The following DNAAF2 variants were observed in gnomAD, a reference collection of about 807,000 sequenced individuals.
DNAAF2 encodes protein kintoun.
DNAAF2 carries 58 observed loss-of-function variants against 48.8 expected under a neutral mutation model. That is an observed-to-expected ratio of 1.19 (90% confidence interval 0.96 to 1.48). The LOEUF is 1.48. DNAAF2 is among the 40% of genes most tolerant of loss of function. The probability of loss-of-function intolerance (pLI) is 0.00; values close to 1 mark genes in which losing one functional copy is unlikely to be tolerated. For synonymous variants in DNAAF2, 567 were observed against 481.2 expected, an observed-to-expected ratio of 1.18 and a Z score of -2.33; for missense variants, 1,241 against 1,116.1, an observed-to-expected ratio of 1.11 and a Z score of -1.59.
At position 49,633,277 on chromosome 14, in the gene DNAAF2, G is replaced by A. The variant is rs1000254573; in HGVS notation, c.1863+10C>T. 3 of 1,611,752 alleles carry A rather than the reference G, an allele frequency of 1.9e-6. No individual in the cohort carries two copies. Among genetic ancestry groups the A allele is most frequent in the Non-Finnish European group, 2.5e-6 (3 of 1,178,330 alleles). ...ATTTCAAATATGAGGACTCTGGAAA[G>A]AACTGTTACCTCCAAAGAATCGTTG... On this transcript the variant is annotated intron_variant, in intron 1 of 2. Coordinates refer to ENST00000298292, the MANE Select transcript of DNAAF2 (RefSeq NM_018139.3).
chr14:49,626,836 G>C (rs181213824), intron 2 of DNAAF2, among the ~76,000 whole-genome samples: 6 of 99,576 alleles, frequency 6.0e-5, no homozygotes, highest in African/African-American at 2.0e-4. Context: ...GATTGAGTCT[G>C]GCTCTGTCGC....
chr14:49,625,372 AT>A lies in DNAAF2; in HGVS notation c.*169del. ...AAACTCCAGAGGCAAAAAAAAAAAA[AT>A]TATCTCCAATTTCCCCCATGAGAAT... On this transcript the variant is annotated 3_prime_UTR_variant, in exon 3 of 3. Coordinates refer to ENST00000298292, the MANE Select transcript of DNAAF2 (RefSeq NM_018139.3). The A allele has an allele frequency of 4.8e-6, 2 of 416,496 alleles. No homozygotes were observed. Among genetic ancestry groups the A allele is most frequent in the Non-Finnish European group, 4.0e-6 (1 of 250,026 alleles). 25.8% of individuals were successfully genotyped at this position (416,496 alleles called of 1,614,324 possible).
intron 1 of DNAAF2, among the ~76,000 whole-genome samples, chr14:49,628,878 C>G (rs1367110902): frequency 6.6e-6 from 1 of 152,206 alleles, no homozygotes; most frequent in African/African-American, 2.4e-5. Context: ...ATGAAAAGAT[C>G]TATTCAAATT....
Position 49,625,816 on chromosome 14 carries a change from T to C in DNAAF2, c.2240A>G (p.Glu747Gly). The part of the protein sequence containing the change: ...QMILGKSQQP[E>G]SKMQSEFIKE... ...TATAAATTCAGATTGCATTTTTGAC[T>C]CAGGTTGCTGAGATTTTCCAAGTAT... The change falls in exon 3 of 3, where the codon GAG (glutamate) becomes GGG (glycine). Residue 747 changes from glutamate (E) to glycine (G), a missense_variant. By Grantham distance (98) the Glu-to-Gly change is moderately conservative. Transcript: ENST00000298292. 6.2e-7 allele frequency: 1 copy of C among 1,608,408 alleles called. No homozygotes were observed. The highest frequency in any genetic ancestry group is 1.1e-5 in the South Asian group (1 of 89,360).
At position 49,634,258 on chromosome 14, in the gene DNAAF2, C is replaced by T. The variant is rs1883263961; in HGVS notation, c.892G>A (p.Ala298Thr). 1 of 1,612,368 alleles carries T rather than the reference C, an allele frequency of 6.2e-7. No homozygotes were observed. The highest frequency in any genetic ancestry group is 1.3e-5 in the African/African-American group (1 of 75,058). Reference sequence around the variant, plus strand: ...AGCTTTCTCGTTACCTCCAGCGCCGCCTGCTCGGCCGAGCGCAACAGCGGC... The same window carrying T: ...AGCTTTCTCGTTACCTCCAGCGCCGTCTGCTCGGCCGAGCGCAACAGCGGC... Reference protein sequence around the residue: ...ELPLLRSAEQAALEVTRKLLC... With the variant: ...ELPLLRSAEQTALEVTRKLLC... The change falls in exon 1 of 3, where the codon GCG (alanine) becomes ACG (threonine). Residue 298 changes from alanine (A) to threonine (T), a missense_variant. Physicochemically the swap from Ala to Thr is moderately conservative, Grantham distance 58. Coordinates refer to ENST00000298292, the MANE Select transcript of DNAAF2 (RefSeq NM_018139.3).
In DNAAF2 at chr14:49,634,653, G is replaced by T; in HGVS notation, c.497C>A (p.Ala166Asp). The part of the protein sequence containing the change: ...RHEGFRQMLD[A>D]TALEAVEKQF... ...CTTCTCGACGGCCTCCAGGGCCGTG[G>T]CGTCCAGCATCTGGCGGAAGCCCTC... Residue 166 changes from alanine to aspartate, a missense_variant, in exon 1 of 3, where the codon GCC (alanine) becomes GAC (aspartate). By Grantham distance (126) the Ala-to-Asp change is moderately radical (BLOSUM62 -2). Transcript: ENST00000298292. 1 of 1,606,686 alleles carries T rather than the reference G, an allele frequency of 6.2e-7. No individual in the cohort carries two copies.
rs754637024 is a variant in DNAAF2 at position 49,634,103 on chromosome 14, C to T, written c.1047G>A (p.Val349=). ...RRQLVVTLPV[V]LPAARREPAV... ...CGGGCTCCCGGCGCGCGGCCGGCAG[C>T]ACCACTGGCAGCGTAACCACCAGCT... The change falls in exon 1 of 3, where the codon GTG becomes GTA. Residue 349 remains valine, a synonymous_variant. Coordinates refer to ENST00000298292, the MANE Select transcript of DNAAF2 (RefSeq NM_018139.3). 3.9e-5 allele frequency: 61 copies of T among 1,546,558 alleles called. No homozygotes were observed. The highest frequency in any genetic ancestry group is 4.7e-5 in the Non-Finnish European group (54 of 1,146,142).
intron 1 of DNAAF2, among the ~76,000 whole-genome samples, chr14:49,630,481 G>A (rs1037173756): frequency 6.6e-6 from 1 of 151,890 alleles, no homozygotes; most frequent in Non-Finnish European, 1.5e-5. Context: ...GTTTTCCTCT[G>A]TAGTTTTATA....
In DNAAF2 at chr14:49,628,133, T is replaced by A; in HGVS notation, c.1886A>T (p.Glu629Val). Reference sequence around the variant, plus strand: ...CTCTTCAAGAAACTCATTAACATTTTCTTCATTGACAAATAACCTTTCCTA... The same window carrying A: ...CTCTTCAAGAAACTCATTAACATTTACTTCATTGACAAATAACCTTTCCTA... ...SLEERLFVNE[E>V]NVNEFLEEVL... Residue 629 changes from glutamate (E) to valine (V), a missense_variant, in exon 2 of 3, where the codon GAA becomes GTA. Physicochemically the swap from Glu to Val is moderately radical, Grantham distance 121 (BLOSUM62 -2). Coordinates refer to ENST00000298292, the MANE Select transcript of DNAAF2 (RefSeq NM_018139.3). 2 of 1,590,144 alleles carry A rather than the reference T, an allele frequency of 1.3e-6. No individual in the cohort carries two copies. Among genetic ancestry groups the A allele is most frequent in the Admixed American group, 1.8e-5 (1 of 56,568 alleles).
chr14:49,626,072 T>C (rs1266431451), intron 2 of DNAAF2, 24 bp from the exon 3 acceptor site: 2 of 1,388,118 alleles, frequency 1.4e-6, no homozygotes, highest in Non-Finnish European at 1.9e-6. Flanking sequence ...AACAACAAAT[T>C]AATAATTATT....
At chr14:49,629,054 C>T (rs1883085464) in intron 1 of DNAAF2, among the ~76,000 whole-genome samples, 1 of 152,120 alleles carries the variant, frequency 6.6e-6, no homozygotes, top group South Asian at 2.1e-4. Context: ...CCTTGACCTC[C>T]CAGGCTCAAG....
chr14:49,632,583 T>C (rs969311127), intron 1 of DNAAF2, among the ~76,000 whole-genome samples: 1 of 151,148 alleles, frequency 6.6e-6, no homozygotes, highest in African/African-American at 2.4e-5. Flanking sequence ...GTAGCTGGGA[T>C]TACGGGTGCC....
rs2985686 is a variant in DNAAF2 at position 49,633,965 on chromosome 14, C to G, written c.1185G>C (p.Ala395=). 1,112,004 of 1,527,492 alleles carry G rather than the reference C, an allele frequency of 0.73. 415,888 individuals are homozygous for G. Among genetic ancestry groups the G allele is most frequent in the Non-Finnish European group, 0.77 (878,474 of 1,143,738 alleles). 94.6% of individuals were successfully genotyped at this position (1,527,492 alleles called of 1,614,324 possible). Residue 395 remains alanine, a synonymous_variant, in exon 1 of 3, where the codon GCG becomes GCC. Coordinates refer to ENST00000298292, the MANE Select transcript of DNAAF2 (RefSeq NM_018139.3). ...CGCAGGTATCGTGGCCTCCGTCCTC[C>G]GCGCGACTCCTCGCGGGTCCCGCCT... ...EGEAGPARSR[A]EDGGHDTCVA...
Position 49,633,601 on chromosome 14 carries a change from T to G in DNAAF2, c.1549A>C (p.Ser517Arg), listed in dbSNP as rs995028884. The change falls in exon 1 of 3, where the codon AGC becomes CGC. Residue 517 changes from serine to arginine, a missense_variant. By Grantham distance (110) the Ser-to-Arg change is moderately radical. Transcript: ENST00000298292. ...ACAMGGPGTK[S>R]GEPLCPPLLC... is the part of the protein sequence containing the mutation. The stretch of plus-strand genomic sequence containing the variant: ...AACGGAGGACACAAAGGCTCCCCGC[T>G]CTTGGTCCCGGGACCACCCATGGCG... 3.7e-6 allele frequency: 6 copies of G among 1,613,738 alleles called. No homozygotes were observed. In the African/African-American group the frequency reaches 8.0e-5, roughly 22 times the overall value.
Position 49,634,193 on chromosome 14 carries a change from C to T in DNAAF2, c.957G>A (p.Arg319=), listed in dbSNP as rs1883261189. Residue 319 remains arginine, a synonymous_variant, in exon 1 of 3, where the codon CGG becomes CGA. Transcript: ENST00000298292. ...LDSRKPDYRL[R]LSLPYPVDDG... is the part of the protein sequence containing the mutation. The stretch of plus-strand genomic sequence containing the variant: ...CGTCCACTGGGTACGGGAGCGAGAG[C>T]CGCAGCCGGTAGTCAGGTTTCCTCG... 1.2e-6 allele frequency: 2 copies of T among 1,610,998 alleles called. No individual in the cohort carries two copies. The highest frequency in any genetic ancestry group is 2.2e-5 in the East Asian group (1 of 44,832).
chr14:49,635,197 A>G lies in DNAAF2; in HGVS notation c.-48T>C. ...TCGGGCCAAAGGCGATCAGTCTGAC[A>G]CTGGGTTGGGGGATCCGCCTCAGAG... On this transcript the variant is annotated 5_prime_UTR_variant, in exon 1 of 3. Transcript: ENST00000298292. The G allele has an allele frequency of 6.5e-7, 1 of 1,536,572 alleles. No homozygotes were observed. The highest frequency in any genetic ancestry group is 8.8e-7 in the Non-Finnish European group (1 of 1,135,966).
chr14:49,630,669 C>CCACACACACACGCACACACACA (rs1883127930), intron 1 of DNAAF2, among the ~76,000 whole-genome samples: 1 of 132,486 alleles, frequency 7.5e-6, no homozygotes, highest in African/African-American at 2.8e-5. Flanking sequence ...AACTCTCTCT[C>CCACACACACACGCACACACACA]CACACACACA....
At chr14:49,630,669 CCACACACA>C (rs71441237) in intron 1 of DNAAF2, among the ~76,000 whole-genome samples, 6 of 132,562 alleles carry the variant, frequency 4.5e-5, no homozygotes, top group Middle Eastern at 3.7e-3. Context: ...AACTCTCTCT[CCACACACA>C]CACACACACA....
In DNAAF2 at chr14:49,625,878, T is replaced by C. The variant is rs779403171; in HGVS notation, c.2178A>G (p.Thr726=). The change falls in exon 3 of 3, where the codon ACA becomes ACG. Residue 726 remains threonine (T), a synonymous_variant. Coordinates refer to ENST00000298292, the MANE Select transcript of DNAAF2 (RefSeq NM_018139.3). ...ALQIDSFGLV[T]CFQQESLDVS... is the part of the protein sequence containing the mutation. ...CATCAAGAGACTCTTGTTGAAAGCA[T>C]GTAACTAAACCAAAGCTATCTATTT... 4.6e-5 allele frequency: 75 copies of C among 1,613,284 alleles called. 1 individual carries two copies. In the South Asian group the frequency reaches 7.5e-4, roughly 16 times the overall value.
Sources: allele counts gnomAD v4.1 joint callset (sites outside exome capture counted in the v4.1 genomes callset), GRCh38; gene constraint gnomAD v4.1.1; transcripts MANE v1.5; gene names NCBI Gene and HGNC (gene_info 2026-07-23, HGNC 2026-07-21).